Variants in SLC35D4 observed in about 807,000 individuals in gnomAD.
The protein encoded by SLC35D4 is solute carrier family 35 member D4.
the SLC35D4 span, among the ~76,000 whole-genome samples, chr18:23,262,255 T>A: frequency 4.6e-5 from 7 of 152,320 alleles, no homozygotes; most frequent in South Asian, 2.1e-4. Context: ...TAAACTGGAC[T>A]AAGCAACAGC....
chr18:23,256,856 T>C, the SLC35D4 span, among the ~76,000 whole-genome samples: 1 of 152,210 alleles, frequency 6.6e-6, no homozygotes, highest in Non-Finnish European at 1.5e-5. Flanking sequence ...CCAGTTAGGG[T>C]GGACTCTTAG....
chr18:23,406,356 A>G, the SLC35D4 span, among the ~76,000 whole-genome samples: 1 of 152,190 alleles, frequency 6.6e-6, no homozygotes, highest in African/African-American at 2.4e-5. Context: ...GGAAGGATGT[A>G]CAAGTCCAGG....
chr18:23,314,007 A>G, the SLC35D4 span, among the ~76,000 whole-genome samples: 1 of 151,866 alleles, frequency 6.6e-6, no homozygotes, highest in African/African-American at 2.4e-5. Context: ...ATCCAGAAGG[A>G]CTCTCCACTG....
At chr18:23,350,350 C>T in the SLC35D4 span, among the ~76,000 whole-genome samples, 3 of 152,270 alleles carry the variant, frequency 2.0e-5, no homozygotes, top group East Asian at 5.8e-4. Flanking sequence ...TGCTCCAACA[C>T]CTTGGGCCAG....
At chr18:23,302,246 G>T in the SLC35D4 span, among the ~76,000 whole-genome samples, 6 of 152,218 alleles carry the variant, frequency 3.9e-5, no homozygotes, top group African/African-American at 1.4e-4. Flanking sequence ...CCTGACACTT[G>T]AGCTGATCCA....
chr18:23,435,960 T>G, the SLC35D4 span, among the ~76,000 whole-genome samples: 4 of 151,926 alleles, frequency 2.6e-5, no homozygotes, highest in Non-Finnish European at 4.4e-5. Flanking sequence ...CCTCCCAAAG[T>G]GCTCGGATTA....
At chr18:23,386,031 G>C in the SLC35D4 span, among the ~76,000 whole-genome samples, 1 of 151,168 alleles carries the variant, frequency 6.6e-6, no homozygotes, top group Non-Finnish European at 1.5e-5. Context: ...TACTTGGGAG[G>C]CTGAGGCAGG....
chr18:23,263,614 C>T, the SLC35D4 span, among the ~76,000 whole-genome samples: 1 of 151,976 alleles, frequency 6.6e-6, no homozygotes, highest in East Asian at 1.9e-4. Flanking sequence ...GTAGATTTTC[C>T]ACCATGTGTT....
chr18:23,391,740 A>G, the SLC35D4 span, among the ~76,000 whole-genome samples: 2 of 152,086 alleles, frequency 1.3e-5, no homozygotes, highest in Non-Finnish European at 2.9e-5. Flanking sequence ...CTCCTGTCTC[A>G]GCCTCCTAAA....
the SLC35D4 span, among the ~76,000 whole-genome samples, chr18:23,241,871 C>A: frequency 2.0e-5 from 3 of 152,118 alleles, no homozygotes; most frequent in Non-Finnish European, 4.4e-5. Context: ...GCAAGTGGCA[C>A]CCTTTTCAAA....
the SLC35D4 span, among the ~76,000 whole-genome samples, chr18:23,312,396 C>T: frequency 6.6e-6 from 1 of 152,208 alleles, no homozygotes; most frequent in African/African-American, 2.4e-5. Flanking sequence ...CACTCCGGTG[C>T]CTTCGCCGTC....
the SLC35D4 span, among the ~76,000 whole-genome samples, chr18:23,384,665 C>T: frequency 2.6e-5 from 4 of 152,340 alleles, no homozygotes; most frequent in East Asian, 5.8e-4. Context: ...AACTCTGCTA[C>T]GCCTTGTCCT....
At chr18:23,371,990 C>A in the SLC35D4 span, among the ~76,000 whole-genome samples, 2 of 121,204 alleles carry the variant, frequency 1.7e-5, no homozygotes, top group African/African-American at 6.6e-5. Context: ...GGCTGGAGTG[C>A]AGTGGCGGGA....
At chr18:23,393,974 T>C in the SLC35D4 span, among the ~76,000 whole-genome samples, 3 of 152,242 alleles carry the variant, frequency 2.0e-5, no homozygotes, top group Admixed American at 6.5e-5. Flanking sequence ...GCACTGAGAT[T>C]GCTTCTACCT....
the SLC35D4 span, among the ~76,000 whole-genome samples, chr18:23,302,411 G>T: frequency 6.6e-6 from 1 of 152,110 alleles, no homozygotes; most frequent in African/African-American, 2.4e-5. Flanking sequence ...CAATTGAGGG[G>T]GTGCTACCGG....
the SLC35D4 span, among the ~76,000 whole-genome samples, chr18:23,246,265 C>CAAAA: frequency 7.1e-5 from 10 of 140,732 alleles, no homozygotes; most frequent in African/African-American, 1.3e-4. Context: ...GACTCCATCT[C>CAAAA]AAAAAAAAAA....
At chr18:23,425,896 C>T in the SLC35D4 span, among the ~76,000 whole-genome samples, 4 of 152,126 alleles carry the variant, frequency 2.6e-5, no homozygotes, top group Admixed American at 6.6e-5. Context: ...CCTTACATTG[C>T]ACCATACACT....
the SLC35D4 span, among the ~76,000 whole-genome samples, chr18:23,284,972 C>T: frequency 7.9e-5 from 12 of 152,344 alleles, no homozygotes; most frequent in African/African-American, 2.9e-4. Context: ...AGGTGCTGAC[C>T]TCCTGTGTCT....
chr18:23,435,298 C>T, the SLC35D4 span, among the ~76,000 whole-genome samples: 133 of 151,976 alleles, frequency 8.8e-4, no homozygotes, highest in African/African-American at 3.0e-3. Context: ...AATGCCATGG[C>T]TCATGGGCTT....
Sources: gnomAD v4.1 joint callset for allele counts (sites outside exome capture counted in the v4.1 genomes callset) on GRCh38, gnomAD v4.1.1 for gene constraint, MANE v1.5 for transcripts, NCBI Gene and HGNC (gene_info 2026-07-23, HGNC 2026-07-21) for gene names.